Variants in HSD17B4 observed in about 807,000 individuals in gnomAD.
HSD17B4 encodes the protein hydroxysteroid 17-beta dehydrogenase 4, also known as peroxisomal multifunctional enzyme type 2.
In HSD17B4, 70 loss-of-function variants were observed where a neutral mutation model predicts 101.0. The ratio of observed to expected loss-of-function variants is 0.69; its 90% CI spans 0.57 to 0.85. The LOEUF (loss-of-function observed/expected upper bound fraction) is 0.85. Ranked by LOEUF, HSD17B4 falls within the 40% of genes least tolerant of loss-of-function variation. The pLI is 0.00. For synonymous variants in HSD17B4, 347 were observed against 297.1 expected (o/e 1.17, Z -1.73); for missense variants, 984 against 892.4 (o/e 1.10, Z -1.31).
intron 11 of HSD17B4, 34 bp from the exon 12 acceptor site, chr5:119,496,509 C>T (rs375760140): frequency 8.2e-6 from 9 of 1,102,614 alleles, no homozygotes; most frequent in Non-Finnish European, 1.1e-5. Context: ...TTTAACAAAG[C>T]TTTATTTTTT....
chr5:119,486,523 T>C (rs566682719), intron 8 of HSD17B4, among the ~76,000 whole-genome samples: 23 of 152,324 alleles, frequency 1.5e-4, no homozygotes, highest in Non-Finnish European at 3.2e-4. Flanking sequence ...TGTTTGGTTT[T>C]CTTGTTTTTG....
At position 119,528,933 on chromosome 5, in the gene HSD17B4, C is replaced by G. The variant is rs1753828591; in HGVS notation, c.1768-961C>G. ...TCTCCCTCCCTTCCTCCTTTCCTTT[C>G]TATTCTTAAGATATAAGAAACATTT... On this transcript the variant is annotated intron_variant, in intron 20 of 23. Transcript: ENST00000510025. 2.6e-5 allele frequency among the ~76,000 whole-genome samples: 4 copies of G among 152,020 alleles called. No homozygotes were observed. The South Asian group carries it at 8.3e-4, about 32-fold the overall frequency.
intron 1 of HSD17B4, 33 bp from the exon 2 acceptor site, chr5:119,456,282 C>A (rs2678083): frequency 1.3e-6 from 2 of 1,539,866 alleles, no homozygotes; most frequent in Non-Finnish European, 1.8e-6. Context: ...GCTGACATTT[C>A]TTCAACTTTC....
chr5:119,498,968 C>T (rs978090966), intron 12 of HSD17B4, among the ~76,000 whole-genome samples: 5 of 152,162 alleles, frequency 3.3e-5, no homozygotes, highest in Admixed American at 2.0e-4. Context: ...GAACTTTATA[C>T]ATTAGATCTT....
In HSD17B4 at chr5:119,473,988, A is replaced by T. The variant is rs760431947; in HGVS notation, c.193A>T (p.Arg65Ter). 1.9e-6 allele frequency: 3 copies of T among 1,609,134 alleles called. No individual in the cohort carries two copies. The highest frequency in any genetic ancestry group is 2.6e-6 in the Non-Finnish European group (3 of 1,175,712). ...ADKVVEEIRR[R>*]GGKAVANYDS... ...TAAGGTTGTTGAAGAAATAAGAAGGAGAGGTGGAAAAGCAGTGGCCAACTA... is the reference window on the plus strand; with the variant it reads ...TAAGGTTGTTGAAGAAATAAGAAGGTGAGGTGGAAAAGCAGTGGCCAACTA... Residue 65 changes from arginine to a stop codon, truncating the protein, a stop_gained, in exon 3 of 24, where the codon AGA becomes TGA. Transcript: ENST00000510025. LOFTEE classifies it high-confidence loss of function.
intron 22 of HSD17B4, among the ~76,000 whole-genome samples, 164 bp downstream of exon 22, chr5:119,531,568 GGT>G (rs57579065): frequency 0.012 from 1,391 of 116,392 alleles, 19 homozygotes; most frequent in African/African-American, 0.028. Flanking sequence ...TCCAAAGGGG[GGT>G]GTGTGTGTGT....
intron 22 of HSD17B4, among the ~76,000 whole-genome samples, chr5:119,532,621 TA>T: frequency 6.6e-6 from 1 of 152,154 alleles, no homozygotes; most frequent in Non-Finnish European, 1.5e-5. Flanking sequence ...TAACATATTT[TA>T]TAGTATTTAT....
intron 15 of HSD17B4, 45 bp downstream of exon 15, chr5:119,506,934 G>A (rs1751705471): frequency 9.9e-7 from 1 of 1,005,296 alleles, no homozygotes; most frequent in African/African-American, 1.6e-5. Flanking sequence ...AGATTGATAG[G>A]CTTTGTGTAT....
chr5:119,478,043 A>G (rs941453058), intron 7 of HSD17B4: 5 of 162,632 alleles, frequency 3.1e-5, no homozygotes, highest in Admixed American at 2.9e-4. Context: ...CACATTGAGG[A>G]TTCGGTTATA....
chr5:119,453,264 C>G (rs944304970), intron 1 of HSD17B4, among the ~76,000 whole-genome samples: 1 of 152,148 alleles, frequency 6.6e-6, no homozygotes, highest in Non-Finnish European at 1.5e-5. Context: ...GCACAGGGGT[C>G]AGGCGTATGA....
chr5:119,538,881 T>C (rs890446710), intron 23 of HSD17B4, among the ~76,000 whole-genome samples: 2 of 152,168 alleles, frequency 1.3e-5, no homozygotes, highest in Non-Finnish European at 2.9e-5. Context: ...TTTAATTATT[T>C]GTTTACATTT....
At chr5:119,475,562 CTTTTG>C (rs1040730462) in intron 4 of HSD17B4, 139 bp from the exon 5 acceptor site, 1 of 665,240 alleles carries the variant, frequency 1.5e-6, no homozygotes, top group Non-Finnish European at 2.6e-6. Flanking sequence ...TAGGTATAGA[CTTTTG>C]TTTTGAAAGC....
chr5:119,520,544 T>G (rs541542732), intron 17 of HSD17B4, among the ~76,000 whole-genome samples: 4 of 152,236 alleles, frequency 2.6e-5, no homozygotes, highest in Non-Finnish European at 5.9e-5. Context: ...TATTCGAGAT[T>G]TCTGAATTGC....
At chr5:119,516,106 G>A (rs1752592041) in intron 17 of HSD17B4, among the ~76,000 whole-genome samples, 1 of 152,134 alleles carries the variant, frequency 6.6e-6, no homozygotes, top group African/African-American at 2.4e-5. Flanking sequence ...AAGCCAGAGA[G>A]AATTAAAGTT....
chr5:119,476,562 T>C (rs916714563), intron 6 of HSD17B4: 1 of 985,234 alleles, frequency 1.0e-6, no homozygotes, highest in Non-Finnish European at 1.2e-6. Context: ...GACTGTCTTT[T>C]GGAAGAAGAG....
chr5:119,471,329 A>G (rs1269018773), intron 2 of HSD17B4, among the ~76,000 whole-genome samples: 1 of 152,096 alleles, frequency 6.6e-6, no homozygotes, highest in Admixed American at 6.5e-5. Context: ...ATTTTCAGTA[A>G]GACTTATCAT....
Position 119,493,799 on chromosome 5 carries a change from G to A in HSD17B4, c.740-19G>A, listed in dbSNP as rs1294885636. Reference sequence around the variant, plus strand: ...TCTCAACTATGTGCTCAGTATGTTAGTTTTGTTTCTATAACCAGTACGCTG... The same window carrying A: ...TCTCAACTATGTGCTCAGTATGTTAATTTTGTTTCTATAACCAGTACGCTG... On this transcript the variant is annotated intron_variant, in intron 10 of 23. Transcript: ENST00000510025. 6.2e-7 allele frequency: 1 copy of A among 1,610,608 alleles called. No homozygotes were observed. The highest frequency in any genetic ancestry group is 1.1e-5 in the South Asian group (1 of 90,998).
chr5:119,541,490 C>T (rs934530463), intron 23 of HSD17B4, among the ~76,000 whole-genome samples: 4 of 152,228 alleles, frequency 2.6e-5, no homozygotes, highest in African/African-American at 7.2e-5. Flanking sequence ...TTTGTCATTT[C>T]GTGGCTTTCT....
At chr5:119,477,245 T>G (rs1166409162) in intron 6 of HSD17B4, among the ~76,000 whole-genome samples, 172 bp from the exon 7 acceptor site, 3 of 152,146 alleles carry the variant, frequency 2.0e-5, no homozygotes, top group Non-Finnish European at 4.4e-5. Flanking sequence ...AAGTATTGAT[T>G]AGTAGCATAA....
Sources: allele counts gnomAD v4.1 joint callset (sites outside exome capture counted in the v4.1 genomes callset), GRCh38; gene constraint gnomAD v4.1.1; transcripts MANE v1.5; gene names NCBI Gene and HGNC (gene_info 2026-07-23, HGNC 2026-07-21).